The following KCNN2 variants were observed in gnomAD, a reference collection of about 807,000 sequenced individuals.
The protein encoded by KCNN2 is small conductance calcium-activated potassium channel protein 2.
KCNN2 carries 24 observed loss-of-function variants against 55.5 expected under a neutral mutation model. That is an observed-to-expected ratio of 0.43 (90% confidence interval 0.31 to 0.61). KCNN2 has a LOEUF of 0.61. Ranked by LOEUF, KCNN2 falls within the 20% of genes least tolerant of loss-of-function variation. KCNN2 has a pLI of 0.08. For synonymous variants in KCNN2, 431 were observed against 336.1 expected, an observed-to-expected ratio of 1.28 and a Z score of -3.09; for missense variants, 754 against 853.6, an observed-to-expected ratio of 0.88 and a Z score of 1.45.
Position 114,158,306 on chromosome 5 carries a change from T to A in KCNN2, c.-270-63174T>A, listed in dbSNP as rs190676192. Among the ~76,000 whole-genome samples the A allele has an allele frequency of 2.9e-3, 441 of 152,314 alleles. 2 individuals are homozygous for A. Among genetic ancestry groups the A allele is most frequent in the African/African-American group, 0.01 (423 of 41,564 alleles). On this transcript the variant is annotated intron_variant, in intron 1 of 10. Coordinates refer to the KCNN2 transcript ENST00000512097. ...TTTGCCAGGTTTGTCAAAGATCAGA[T>A]AGTTGTAGTTATGCGGCATTATTTC...
At chr5:114,272,566 A>G (rs1310884149) in intron 2 of KCNN2, among the ~76,000 whole-genome samples, 1 of 152,146 alleles carries the variant, frequency 6.6e-6, no homozygotes, top group East Asian at 1.9e-4. Context: ...CTAATACTAA[A>G]TGCTCTATAA....
rs943554928 is a variant in KCNN2 at position 114,404,379 on chromosome 5, C to T, written c.1219-59C>T. 28 of 1,396,304 alleles carry T rather than the reference C, an allele frequency of 2.0e-5. 1 individual carries two copies. The highest frequency in any genetic ancestry group is 3.8e-5 in the Admixed American group (2 of 52,114). 86.5% of individuals were successfully genotyped at this position (1,396,304 alleles called of 1,614,324 possible). A position where few individuals can be genotyped will look rare whatever the true frequency, so the allele number is the denominator to read the frequency against. ...CTGTTGTGTGTTTTTAAAATCTGCA[C>T]TAACACTTGTGGACCATTCATGCCA... On this transcript the variant is annotated intron_variant, in intron 2 of 7. Transcript: ENST00000673685.
At chr5:114,223,098 C>T (rs889966649) in intron 2 of KCNN2, among the ~76,000 whole-genome samples, 5 of 152,028 alleles carry the variant, frequency 3.3e-5, no homozygotes, top group Non-Finnish European at 7.4e-5. Flanking sequence ...TGTGTTCTTG[C>T]ACTACATGTT....
At position 114,137,791 on chromosome 5, in the gene KCNN2, GATAA is replaced by G. The variant is rs1399822048; in HGVS notation, c.-271+81295_-271+81298del. On this transcript the variant is annotated intron_variant, in intron 1 of 10. Coordinates refer to the KCNN2 transcript ENST00000512097. The stretch of plus-strand genomic sequence containing the variant: ...GAGAAGAATTAAACAAGAATAACTG[GATAA>G]ATAGTGTAGAAAATAATATTTTATA... Among the ~76,000 whole-genome samples the G allele has an allele frequency of 3.3e-5, 5 of 152,086 alleles. No individual in the cohort carries two copies. In the East Asian group the frequency reaches 7.7e-4, roughly 23 times the overall value.
chr5:114,437,988 G>A (rs895897901), intron 3 of KCNN2, among the ~76,000 whole-genome samples: 2 of 152,038 alleles, frequency 1.3e-5, no homozygotes, highest in Non-Finnish European at 2.9e-5. Context: ...TTTAAATGTT[G>A]TGACCAGTTA....
chr5:114,149,196 A>G (rs1035979030), intron 1 of KCNN2, among the ~76,000 whole-genome samples: 1 of 152,106 alleles, frequency 6.6e-6, no homozygotes, highest in Non-Finnish European at 1.5e-5. Flanking sequence ...GTCCCATAAT[A>G]ACCCTGGAAT....
rs1561510505 is a variant in KCNN2 at position 114,177,140 on chromosome 5, G to GT, written c.-270-44340_-270-44339insT. Reference sequence around the variant, plus strand: ...ATAACAGCAACATTGCTAATATGCTGGTTTTTTTTTTTTTTGAAACGGAGT... The same window carrying GT: ...ATAACAGCAACATTGCTAATATGCTGTGTTTTTTTTTTTTTTGAAACGGAGT... On this transcript the variant is annotated intron_variant, in intron 1 of 10. Transcript: ENST00000512097. Among the ~76,000 whole-genome samples the GT allele has an allele frequency of 1.5e-4, 6 of 41,120 alleles. No homozygotes were observed. In the East Asian group the frequency reaches 5.6e-3, roughly 39 times the overall value. 27.0% of individuals were successfully genotyped at this position (41,120 alleles called of 152,430 possible). A position where few individuals can be genotyped will look rare whatever the true frequency, so the allele number is the denominator to read the frequency against.
chr5:114,456,652 T>C (rs867733240), intron 3 of KCNN2, among the ~76,000 whole-genome samples: 1 of 152,224 alleles, frequency 6.6e-6, no homozygotes, highest in Non-Finnish European at 1.5e-5. Context: ...TAATTTATTC[T>C]ACATGCCATT....
intron 3 of KCNN2, among the ~76,000 whole-genome samples, chr5:114,413,988 G>T (rs1759218547): frequency 6.6e-6 from 1 of 152,184 alleles, no homozygotes; most frequent in African/African-American, 2.4e-5. Flanking sequence ...AAGTCTAAAT[G>T]TAAACATGCT....
chr5:114,195,444 A>G (rs1201167154), intron 1 of KCNN2, among the ~76,000 whole-genome samples: 1 of 151,832 alleles, frequency 6.6e-6, no homozygotes, highest in Non-Finnish European at 1.5e-5. Flanking sequence ...ACTCCTTTTG[A>G]TGTTATTGTA....
intron 1 of KCNN2, among the ~76,000 whole-genome samples, chr5:114,120,144 T>C (rs1443006531): frequency 1.3e-5 from 2 of 152,212 alleles, no homozygotes; most frequent in African/African-American, 4.8e-5. Flanking sequence ...TATGGAAATA[T>C]ACCTGTTTTC....
chr5:114,402,029 T>C lies in KCNN2; in HGVS notation c.1219-2409T>C, dbSNP rs891870047. 2.0e-5 allele frequency among the ~76,000 whole-genome samples: 3 copies of C among 152,182 alleles called. 1 individual carries two copies. The highest frequency in any genetic ancestry group is 4.2e-4 in the South Asian group (2 of 4,818). On this transcript the variant is annotated intron_variant, in intron 2 of 7. Coordinates refer to ENST00000673685, the MANE Select transcript of KCNN2 (RefSeq NM_021614.4). ...AAGGATCAGACTACCCAGGGAAGTA[T>C]AGAGTGAGAGAAAAGTCAGAGATGG...
At chr5:114,316,462 G>T (rs1048180978) in intron 2 of KCNN2, among the ~76,000 whole-genome samples, 1 of 152,114 alleles carries the variant, frequency 6.6e-6, no homozygotes, top group African/African-American at 2.4e-5. Flanking sequence ...CCAACGTGTA[G>T]GCTCAAAGAA....
intron 2 of KCNN2, among the ~76,000 whole-genome samples, chr5:114,325,886 C>T (rs1199558812): frequency 1.3e-5 from 2 of 152,058 alleles, no homozygotes; most frequent in Non-Finnish European, 2.9e-5. Flanking sequence ...CTCGTGTCCA[C>T]GTGGGTCTTA....
chr5:114,487,231 T>C, intron 6 of KCNN2, 54 bp downstream of exon 6: 1 of 1,524,966 alleles, frequency 6.6e-7, no homozygotes, highest in South Asian at 1.2e-5. Context: ...CTTTCAATTT[T>C]TGCACTTGTT....
intron 2 of KCNN2, among the ~76,000 whole-genome samples, chr5:114,396,705 C>T (rs1758631597): frequency 6.6e-6 from 1 of 152,056 alleles, no homozygotes; most frequent in South Asian, 2.1e-4. Context: ...CGCATCACCA[C>T]ACCTGGCTAA....
chr5:114,461,369 C>A (rs887257672), intron 3 of KCNN2, among the ~76,000 whole-genome samples: 2 of 152,052 alleles, frequency 1.3e-5, no homozygotes, highest in Non-Finnish European at 2.9e-5. Context: ...GGGTGAGGAA[C>A]GGTGGTGATT....
At chr5:114,162,849 A>C (rs1196372006) in intron 1 of KCNN2, among the ~76,000 whole-genome samples, 1 of 152,076 alleles carries the variant, frequency 6.6e-6, no homozygotes. Flanking sequence ...AGTCGGTTGG[A>C]AAAGCGCAGT....
chr5:114,075,734 C>T (rs79173526), intron 1 of KCNN2, among the ~76,000 whole-genome samples: 1 of 146,532 alleles, frequency 6.8e-6, no homozygotes, highest in Non-Finnish European at 1.5e-5. Flanking sequence ...GCTAAGGGGG[C>T]ATTAACAAAT....
Sources: gnomAD v4.1 joint callset for allele counts (sites outside exome capture counted in the v4.1 genomes callset) on GRCh38, gnomAD v4.1.1 for gene constraint, MANE v1.5 for transcripts, NCBI Gene and HGNC (gene_info 2026-07-23, HGNC 2026-07-21) for gene names.